Variants in FNDC3B observed in about 807,000 individuals in gnomAD.
The protein encoded by FNDC3B is fibronectin type III domain containing 3B, also known as fibronectin type III domain-containing protein 3B.
FNDC3B carries 12 observed loss-of-function variants against 151.5 expected under a neutral mutation model. That is an observed-to-expected ratio of 0.08 (90% CI 0.05 to 0.13). The LOEUF is 0.13. FNDC3B is among the 10% of genes least tolerant of loss of function. The probability of loss-of-function intolerance (pLI) is 1.00; values close to 1 mark genes in which losing one functional copy is unlikely to be tolerated. For synonymous variants in FNDC3B, 528 were observed against 549.0 expected, an observed-to-expected ratio of 0.96 and a Z score of 0.54; for missense variants, 1,214 against 1,505.3, an observed-to-expected ratio of 0.81 and a Z score of 3.20.
intron 9 of FNDC3B, chr3:172,301,975 C>G (rs905004208): frequency 3.3e-5 from 5 of 152,198 alleles, no homozygotes; most frequent in Admixed American, 3.3e-4. Flanking sequence ...TTTCTTTTAG[C>G]AGCACAAAAC....
At chr3:172,331,273 A>G (rs1732643562) in intron 13 of FNDC3B, among the ~76,000 whole-genome samples, 1 of 152,106 alleles carries the variant, frequency 6.6e-6, no homozygotes, top group South Asian at 2.1e-4. Context: ...TACAATGCCC[A>G]CAAGGTCCTG....
At chr3:172,206,659 CAAAAAAAA>C (rs57377409) in intron 3 of FNDC3B, among the ~76,000 whole-genome samples, 1 of 54,480 alleles carries the variant, frequency 1.8e-5, no homozygotes, top group African/African-American at 7.1e-5. Flanking sequence ...AACTCCATCT[CAAAAAAAA>C]AAAAAAAAAA....
chr3:172,149,475 C>A (rs1044681727), intron 3 of FNDC3B, among the ~76,000 whole-genome samples: 1 of 152,190 alleles, frequency 6.6e-6, no homozygotes, highest in South Asian at 2.1e-4. Flanking sequence ...TTTTACCACC[C>A]CTTTTCTCTT....
At chr3:172,061,272 A>G (rs1408488611) in intron 1 of FNDC3B, among the ~76,000 whole-genome samples, 3 of 144,870 alleles carry the variant, frequency 2.1e-5, no homozygotes, top group South Asian at 2.2e-4. Flanking sequence ...TCGCTCTGTC[A>G]CCCAGGCTAG....
chr3:172,179,954 G>A (rs546387944), intron 3 of FNDC3B, among the ~76,000 whole-genome samples: 1 of 151,306 alleles, frequency 6.6e-6, no homozygotes, highest in East Asian at 1.9e-4. Context: ...GGGTGTGGCT[G>A]AATGACCTCT....
At chr3:172,257,765 T>C (rs532891778) in intron 6 of FNDC3B, among the ~76,000 whole-genome samples, 1 of 152,250 alleles carries the variant, frequency 6.6e-6, no homozygotes, top group South Asian at 2.1e-4. Flanking sequence ...ATCTAGAAGC[T>C]TGTGAGACAT....
chr3:172,335,208 ATTCGG>A, intron 15 of FNDC3B, 126 bp downstream of exon 15: 3 of 910,446 alleles, frequency 3.3e-6, no homozygotes, highest in Non-Finnish European at 4.8e-6. Flanking sequence ...AGTTTTCTGC[ATTCGG>A]AATATATGTG....
intron 2 of FNDC3B, among the ~76,000 whole-genome samples, chr3:172,130,963 C>T (rs970040362): frequency 6.6e-5 from 10 of 152,102 alleles, no homozygotes; most frequent in Admixed American, 2.0e-4. Flanking sequence ...TAGAATTGGT[C>T]TAAGGACCTT....
chr3:172,286,111 T>A (rs1730003158), intron 7 of FNDC3B, 127 bp downstream of exon 7: 1 of 669,062 alleles, frequency 1.5e-6, no homozygotes, highest in Admixed American at 2.8e-5. Flanking sequence ...ACTCATCAAC[T>A]ATGAAATAGT....
chr3:172,376,965 G>A (rs1412329245), intron 23 of FNDC3B, among the ~76,000 whole-genome samples: 2 of 152,146 alleles, frequency 1.3e-5, no homozygotes, highest in East Asian at 1.9e-4. Context: ...TCCAGCACAT[G>A]GAAAAGCTGC....
At chr3:172,362,592 T>G (rs1432209999) in intron 22 of FNDC3B, 41 bp from the exon 23 acceptor site, 2 of 1,433,704 alleles carry the variant, frequency 1.4e-6, no homozygotes, top group African/African-American at 1.4e-5. Flanking sequence ...TTGCTGCTGC[T>G]TTAACCTGCA....
chr3:172,325,542 A>G (rs1732300448), intron 11 of FNDC3B, among the ~76,000 whole-genome samples: 1 of 152,168 alleles, frequency 6.6e-6, no homozygotes, highest in Non-Finnish European at 1.5e-5. Context: ...GAACAGGAAA[A>G]TGTTTTGTTT....
intron 1 of FNDC3B, among the ~76,000 whole-genome samples, chr3:172,057,445 A>G (rs547620114): frequency 3.3e-5 from 5 of 152,346 alleles, no homozygotes; most frequent in Non-Finnish European, 7.4e-5. Context: ...ATGTCAATCA[A>G]TAGAAGAGTT....
At chr3:172,310,388 T>C (rs1731408076) in intron 10 of FNDC3B, among the ~76,000 whole-genome samples, 1 of 152,178 alleles carries the variant, frequency 6.6e-6, no homozygotes, top group Non-Finnish European at 1.5e-5. Flanking sequence ...TTAAGTACTT[T>C]TAAAAAATTA....
intron 2 of FNDC3B, among the ~76,000 whole-genome samples, chr3:172,129,199 T>A (rs1038098365): frequency 3.3e-5 from 5 of 152,208 alleles, no homozygotes; most frequent in Admixed American, 1.3e-4. Flanking sequence ...CTGGAACTCC[T>A]GGTCTCAAGT....
intron 23 of FNDC3B, among the ~76,000 whole-genome samples, chr3:172,376,862 A>AAAAG (rs1020038408): frequency 2.4e-5 from 2 of 84,842 alleles, no homozygotes; most frequent in Non-Finnish European, 5.4e-5. Context: ...AAAAAAAAAA[A>AAAAG]AAAGAAAGAA....
chr3:172,391,847 G>A (rs1033547222), intron 25 of FNDC3B, among the ~76,000 whole-genome samples: 10 of 152,074 alleles, frequency 6.6e-5, no homozygotes, highest in African/African-American at 1.4e-4. Context: ...CTTCATGAAC[G>A]GTTTCCAAGA....
intron 21 of FNDC3B, among the ~76,000 whole-genome samples, chr3:172,348,344 T>C (rs548556442): frequency 6.6e-6 from 1 of 152,396 alleles, no homozygotes; most frequent in Admixed American, 6.5e-5. Context: ...TTCTGTTAAA[T>C]TCAGAAGTCT....
intron 6 of FNDC3B, among the ~76,000 whole-genome samples, chr3:172,283,789 T>G (rs1729862734): frequency 6.6e-6 from 1 of 152,244 alleles, no homozygotes; most frequent in African/African-American, 2.4e-5. Context: ...TACAGTTTAC[T>G]TAGCAGGGGC....
Sources: gnomAD v4.1 joint callset for allele counts (sites outside exome capture counted in the v4.1 genomes callset) on GRCh38, gnomAD v4.1.1 for gene constraint, MANE v1.5 for transcripts, NCBI Gene and HGNC (gene_info 2026-07-23, HGNC 2026-07-21) for gene names.